Variants in PARP4 observed in about 807,000 individuals in gnomAD.
The protein encoded by PARP4 is poly(ADP-ribose) polymerase family member 4, also known as protein mono-ADP-ribosyltransferase PARP4.
In PARP4, 120 loss-of-function variants were observed where a neutral mutation model predicts 187.7. The observed-to-expected ratio is 0.64, with a 90% CI of 0.55 to 0.74. The LOEUF is 0.74. Among genes scored for constraint, PARP4 ranks in the 30% least tolerant of loss-of-function variants. The pLI is 0.00. For synonymous variants in PARP4, 654 were observed against 740.9 expected (o/e 0.88, Z 1.90); for missense variants, 1,836 against 2,070.5 (o/e 0.89, Z 2.20).
intron 15 of PARP4, among the ~76,000 whole-genome samples, chr13:24,470,988 C>G (rs1440573353): frequency 6.6e-6 from 1 of 152,174 alleles, no homozygotes; most frequent in African/African-American, 2.4e-5. Context: ...GAATCCCGGT[C>G]TGGCCAGCCA....
At chr13:24,470,677 CAT>C (rs750223031) in intron 15 of PARP4, among the ~76,000 whole-genome samples, 31 of 152,202 alleles carry the variant, frequency 2.0e-4, no homozygotes, top group Admixed American at 7.8e-4. Context: ...AGATTTTAAA[CAT>C]GTGACAATAA....
intron 27 of PARP4, among the ~76,000 whole-genome samples, chr13:24,444,464 T>C (rs1037157650): frequency 6.6e-6 from 1 of 152,206 alleles, no homozygotes; most frequent in African/African-American, 2.4e-5. Context: ...ACCGATTTAG[T>C]GCTGAAAAGT....
intron 3 of PARP4, among the ~76,000 whole-genome samples, chr13:24,500,751 G>C (rs1421194159): frequency 6.6e-6 from 1 of 152,184 alleles, no homozygotes; most frequent in Non-Finnish European, 1.5e-5. Context: ...CTAGCTTAGA[G>C]GAGGGAAAGT....
intron 30 of PARP4, among the ~76,000 whole-genome samples, chr13:24,438,698 C>T (rs527370508): frequency 1.8e-4 from 28 of 152,288 alleles, no homozygotes; most frequent in African/African-American, 5.8e-4. Flanking sequence ...CAGCACTGAG[C>T]GCTGTCCTTC....
intron 32 of PARP4, among the ~76,000 whole-genome samples, chr13:24,427,825 A>C (rs1211734955): frequency 2.6e-5 from 4 of 152,202 alleles, no homozygotes; most frequent in African/African-American, 9.6e-5. Flanking sequence ...AGACAAAAGC[A>C]GTTTAATTTG....
chr13:24,431,789 T>C (rs1870350007), intron 31 of PARP4, among the ~76,000 whole-genome samples: 1 of 152,266 alleles, frequency 6.6e-6, no homozygotes, highest in African/African-American at 2.4e-5. Context: ...AAGTTCTTCA[T>C]ACACTAGTGA....
chr13:24,478,759 A>G (rs1352475041), intron 12 of PARP4, among the ~76,000 whole-genome samples: 4 of 152,208 alleles, frequency 2.6e-5, no homozygotes, highest in Non-Finnish European at 5.9e-5. Context: ...TGTGACAAAT[A>G]TGTATACTGC....
Position 24,500,544 on chromosome 13 carries a change from C to T in PARP4, c.335-162G>A, listed in dbSNP as rs1185832889. ...CAGTGGGAAAAGAGGAAGGTATAAC[C>T]TTATAAAATAGGGAGAACATACTCT... On this transcript the variant is annotated intron_variant, in intron 3 of 33. Transcript: ENST00000381989. 7.8e-6 allele frequency among the ~76,000 whole-genome samples: 1 copy of T among 128,696 alleles called. No individual in the cohort carries two copies. Among genetic ancestry groups the T allele is most frequent in the Non-Finnish European group, 1.8e-5 (1 of 55,460 alleles). 84.4% of individuals were successfully genotyped at this position (128,696 alleles called of 152,430 possible).
intron 21 of PARP4, among the ~76,000 whole-genome samples, chr13:24,455,680 C>T (rs1447665030): frequency 2.8e-4 from 39 of 139,246 alleles, no homozygotes; most frequent in Non-Finnish European, 2.0e-4. Context: ...TGCAGTGGCA[C>T]GATCACAGCT....
At chr13:24,490,270 G>GT (rs1868559530) in intron 10 of PARP4, among the ~76,000 whole-genome samples, 1 of 152,160 alleles carries the variant, frequency 6.6e-6, no homozygotes, top group South Asian at 2.1e-4. Flanking sequence ...ATTTAGGAAC[G>GT]TGTTTTCCAG....
At chr13:24,506,773 C>T (rs572640543) in intron 1 of PARP4, among the ~76,000 whole-genome samples, 1 of 152,252 alleles carries the variant, frequency 6.6e-6, no homozygotes, top group Non-Finnish European at 1.5e-5. Context: ...GGATCCCATG[C>T]CAGGGCCGCA....
chr13:24,487,352 G>A (rs1238670822), intron 10 of PARP4, among the ~76,000 whole-genome samples: 1 of 152,148 alleles, frequency 6.6e-6, no homozygotes, highest in Non-Finnish European at 1.5e-5. Context: ...ACTCTCTTGG[G>A]AGGTGACATT....
chr13:24,486,397 T>C (rs2137523857), intron 10 of PARP4, 92 bp from the exon 11 acceptor site: 1 of 814,010 alleles, frequency 1.2e-6, no homozygotes, highest in Non-Finnish European at 2.0e-6. Context: ...AGAGTCCAAA[T>C]GTCCATTATC....
intron 30 of PARP4, among the ~76,000 whole-genome samples, chr13:24,441,083 G>A (rs1870903637): frequency 6.6e-6 from 1 of 152,096 alleles, no homozygotes; most frequent in African/African-American, 2.4e-5. Flanking sequence ...ATGTTGCCCA[G>A]GCTGGTCTTG....
chr13:24,436,985 A>C (rs919739102), intron 30 of PARP4, among the ~76,000 whole-genome samples: 2 of 152,206 alleles, frequency 1.3e-5, no homozygotes, highest in Admixed American at 1.3e-4. Flanking sequence ...GGAAAAAACC[A>C]ATCAATAGTG....
intron 21 of PARP4, among the ~76,000 whole-genome samples, chr13:24,455,458 A>G (rs1193587825): frequency 7.5e-6 from 1 of 133,478 alleles, no homozygotes; most frequent in Non-Finnish European, 1.6e-5. Flanking sequence ...GAAAAATCAT[A>G]TAGCATCAAC....
At position 24,421,093 on chromosome 13, in the gene PARP4, A is replaced by G; in HGVS notation, c.*26T>C. 1 of 1,146,358 alleles carries G rather than the reference A, an allele frequency of 8.7e-7. No homozygotes were observed. The highest frequency in any genetic ancestry group is 1.2e-6 in the Non-Finnish European group (1 of 820,806). The allele number at this position is 1,146,358 out of a possible 1,614,324, so 71.0% of individuals were successfully genotyped here. ...TATTTTCTACATAGAAGCATGCAAA[A>G]AGTTTAAAATTCAGTTTCATTTGAC... On this transcript the variant is annotated 3_prime_UTR_variant, in exon 34 of 34. Transcript: ENST00000381989.
Position 24,503,658 on chromosome 13 carries a change from G to A in PARP4, c.119C>T (p.Ser40Leu), listed in dbSNP as rs1263975946. 5 of 1,612,732 alleles carry A rather than the reference G, an allele frequency of 3.1e-6. No individual in the cohort carries two copies. Among genetic ancestry groups the A allele is most frequent in the South Asian group, 1.1e-5 (1 of 91,022 alleles). ...IKENGGKFSFSLNPQCTHIIL... is the reference protein window; with the variant it reads ...IKENGGKFSFLLNPQCTHIIL... ...ACTTGGAAATACCTGAGGATTTAAC[G>A]AAAAGGAAAACTTTCCGCCATTTTC... The change falls in exon 2 of 34, where the codon TCG becomes TTG. Residue 40 changes from serine (S) to leucine (L), a missense_variant. Ser to Leu is a moderately radical substitution (Grantham distance 145). Around this residue, in one of 8 missense-constraint regions of PARP4, gnomAD observed 1,147 missense variants for 1,214.2 expected, o/e 0.94. Coordinates refer to ENST00000381989, the MANE Select transcript of PARP4 (RefSeq NM_006437.4).
intron 1 of PARP4, among the ~76,000 whole-genome samples, chr13:24,507,602 C>A (rs891433298): frequency 4.6e-5 from 7 of 152,228 alleles, no homozygotes; most frequent in Non-Finnish European, 8.8e-5. Context: ...TAGAACTTGT[C>A]CCTCCTGCTG....
Sources: gnomAD v4.1 joint callset for allele counts (sites outside exome capture counted in the v4.1 genomes callset) on GRCh38, gnomAD v4.1.1 for gene constraint, gnomAD v4.1.1 regional missense constraint, MANE v1.5 for transcripts, NCBI Gene and HGNC (gene_info 2026-07-23, HGNC 2026-07-21) for gene names.